SYCP1: variants seen among roughly 807,000 people sequenced by gnomAD.
The protein encoded by SYCP1 is cancer/testis antigen 8.
A neutral mutation model predicts 153.1 loss-of-function variants in SYCP1; 64 were observed. The ratio of observed to expected loss-of-function variants is 0.42; its 90% CI spans 0.34 to 0.51. The LOEUF (loss-of-function observed/expected upper bound fraction) is 0.51. Among genes scored for constraint, SYCP1 ranks in the 20% least tolerant of loss-of-function variants. SYCP1 has a pLI of 0.06. For synonymous variants in SYCP1, 384 were observed against 341.8 expected, an observed-to-expected ratio of 1.12 and a Z score of -1.36; for missense variants, 997 against 1,049.0, an observed-to-expected ratio of 0.95 and a Z score of 0.68.
chr1:114,957,035 G>A (rs953989018), intron 27 of SYCP1, among the ~76,000 whole-genome samples: 1 of 146,914 alleles, frequency 6.8e-6, no homozygotes, highest in Non-Finnish European at 1.5e-5. Flanking sequence ...CAAAGAATTA[G>A]AAATGGCCAG....
At chr1:114,856,997 G>A (rs1441510824) in intron 3 of SYCP1, among the ~76,000 whole-genome samples, 8 of 147,230 alleles carry the variant, frequency 5.4e-5, no homozygotes, top group Non-Finnish European at 7.5e-5. Flanking sequence ...GGTGGCATGC[G>A]CCTGCAGTCC....
intron 29 of SYCP1, among the ~76,000 whole-genome samples, chr1:114,983,925 TG>T (rs1338718347): frequency 6.6e-6 from 1 of 151,848 alleles, no homozygotes; most frequent in African/African-American, 2.4e-5. Context: ...ATTTAATTTT[TG>T]TTTTTGCTCT....
Position 114,859,797 on chromosome 1 carries a change from G to T in SYCP1, c.511G>T (p.Asp171Tyr). 4 of 741,342 alleles carry T rather than the reference G, an allele frequency of 5.4e-6. No individual in the cohort carries two copies. The highest frequency in any genetic ancestry group is 7.8e-6 in the Non-Finnish European group (4 of 515,984). 45.9% of individuals were successfully genotyped at this position (741,342 alleles called of 1,614,324 possible). ...KLEEGIQENK[D>Y]LIKENNATRH... ...AGAAGAAGGAATACAAGAAAATAAA[G>T]ATTTAATAAAAGAGTAAGTAGTAAT... The change falls in exon 7 of 32, where the codon GAT (aspartate) becomes TAT (tyrosine). Residue 171 changes from aspartate (D) to tyrosine (Y), a missense_variant. Physicochemically the swap from Asp to Tyr is radical, Grantham distance 160. Coordinates refer to ENST00000369522, the MANE Select transcript of SYCP1 (RefSeq NM_003176.4).
intron 27 of SYCP1, among the ~76,000 whole-genome samples, chr1:114,957,818 CT>C (rs1671535172): frequency 6.6e-6 from 1 of 152,052 alleles, no homozygotes; most frequent in Admixed American, 6.6e-5. Flanking sequence ...AAAGGGAACC[CT>C]TGTTTACTGT....
intron 27 of SYCP1, among the ~76,000 whole-genome samples, chr1:114,963,569 T>C (rs180728168): frequency 3.9e-4 from 59 of 152,050 alleles, no homozygotes; most frequent in Middle Eastern, 3.4e-3. Flanking sequence ...TTCCCATCCC[T>C]GTGCCTGTAT....
intron 8 of SYCP1, chr1:114,863,089 A>G (rs1281776518): frequency 1.3e-5 from 2 of 152,228 alleles, no homozygotes; most frequent in Non-Finnish European, 2.9e-5. Flanking sequence ...TAGTGCTGCA[A>G]TAAACATACG....
At chr1:114,910,533 A>C in intron 17 of SYCP1, 32 bp downstream of exon 17, 1 of 1,346,464 alleles carries the variant, frequency 7.4e-7, no homozygotes, top group Non-Finnish European at 1.0e-6. Flanking sequence ...TATTTTAAAT[A>C]TTTTGTTAAT....
At chr1:114,932,995 C>G (rs1036324179) in intron 23 of SYCP1, among the ~76,000 whole-genome samples, 1 of 152,292 alleles carries the variant, frequency 6.6e-6, no homozygotes, top group South Asian at 2.1e-4. Context: ...CACAAGGCAG[C>G]AGAAACTTCG....
At position 114,887,560 on chromosome 1, in the gene SYCP1, A is replaced by G. The variant is rs1005340990; in HGVS notation, c.1191-66A>G. On this transcript the variant is annotated intron_variant, in intron 14 of 31. Transcript: ENST00000369522. Reference sequence around the variant, plus strand: ...ATATATCAGTTGCTAAATTGCACCAATTTTAGTTATGAGATGAATTCTGAC... The same window carrying G: ...ATATATCAGTTGCTAAATTGCACCAGTTTTAGTTATGAGATGAATTCTGAC... 5.3e-6 allele frequency: 6 copies of G among 1,126,980 alleles called. No homozygotes were observed. In the Admixed American group the frequency reaches 1.4e-4, roughly 27 times the overall value. 69.8% of individuals were successfully genotyped at this position (1,126,980 alleles called of 1,614,324 possible).
chr1:114,957,387 A>T (rs1166536474), intron 27 of SYCP1, among the ~76,000 whole-genome samples: 3 of 152,228 alleles, frequency 2.0e-5, no homozygotes, highest in African/African-American at 4.8e-5. Flanking sequence ...CCGGTCAAAG[A>T]TTATTTGAGT....
chr1:114,979,296 A>G (rs958646115), intron 28 of SYCP1, among the ~76,000 whole-genome samples: 6 of 151,778 alleles, frequency 4.0e-5, no homozygotes, highest in Admixed American at 6.6e-5. Context: ...TAAAGTTGTT[A>G]TGAGGATTAA....
At chr1:114,967,224 A>G (rs1378230491) in intron 27 of SYCP1, among the ~76,000 whole-genome samples, 2 of 152,206 alleles carry the variant, frequency 1.3e-5, no homozygotes, top group African/African-American at 4.8e-5. Context: ...AGTCGTGAAT[A>G]TCCTTGTTAA....
chr1:114,929,287 A>G (rs1263888033), intron 23 of SYCP1, among the ~76,000 whole-genome samples: 1 of 152,186 alleles, frequency 6.6e-6, no homozygotes, highest in Non-Finnish European at 1.5e-5. Flanking sequence ...AAGGGAGGGC[A>G]GAGAAACAAA....
intron 27 of SYCP1, among the ~76,000 whole-genome samples, chr1:114,967,761 A>G (rs1387960618): frequency 2.0e-5 from 3 of 150,578 alleles, no homozygotes; most frequent in Non-Finnish European, 4.4e-5. Flanking sequence ...TAGTTGATGC[A>G]GTTTCTTCAT....
At chr1:114,878,039 T>C (rs1163282117) in intron 11 of SYCP1, 55 bp from the exon 12 acceptor site, 1 of 1,004,572 alleles carries the variant, frequency 1.0e-6, no homozygotes, top group Non-Finnish European at 1.5e-6. Context: ...ATTATAAATG[T>C]TAAGGTGTCA....
intron 23 of SYCP1, among the ~76,000 whole-genome samples, chr1:114,937,932 C>G (rs1670129343): frequency 2.0e-5 from 3 of 152,162 alleles, no homozygotes; most frequent in Admixed American, 1.3e-4. Context: ...AATAGGAACA[C>G]TTTTACACTG....
intron 16 of SYCP1, among the ~76,000 whole-genome samples, chr1:114,902,295 T>G (rs1667513961): frequency 6.6e-6 from 1 of 152,198 alleles, no homozygotes; most frequent in South Asian, 2.1e-4. Flanking sequence ...AAAGATGTTT[T>G]TTTTTGGTTT....
intron 16 of SYCP1, among the ~76,000 whole-genome samples, chr1:114,907,410 C>T (rs1163258496): frequency 6.6e-6 from 1 of 151,916 alleles, no homozygotes; most frequent in Admixed American, 6.6e-5. Flanking sequence ...AACTCTCTGC[C>T]TTCTTTTGGG....
chr1:114,911,422 T>G lies in SYCP1; in HGVS notation c.1426-57T>G, dbSNP rs565060894. On this transcript the variant is annotated intron_variant, in intron 17 of 31. Coordinates refer to ENST00000369522, the MANE Select transcript of SYCP1 (RefSeq NM_003176.4). ...GACTTAATTACACAGTGACTATACCTTTTAAATGAGAAAATTCGAAAAACA... is the reference window on the plus strand; with the variant it reads ...GACTTAATTACACAGTGACTATACCGTTTAAATGAGAAAATTCGAAAAACA... 181 of 1,390,668 alleles carry G rather than the reference T, an allele frequency of 1.3e-4. No individual in the cohort carries two copies. In the African/African-American group the frequency reaches 1.3e-3, roughly 10 times the overall value. 86.1% of individuals were successfully genotyped at this position (1,390,668 alleles called of 1,614,324 possible).
Sources: gnomAD v4.1 joint callset for allele counts (sites outside exome capture counted in the v4.1 genomes callset) on GRCh38, gnomAD v4.1.1 for gene constraint, MANE v1.5 for transcripts, NCBI Gene and HGNC (gene_info 2026-07-23, HGNC 2026-07-21) for gene names.